NFIB: variants seen among roughly 807,000 people sequenced by gnomAD.
NFIB encodes the protein nuclear factor I B, also known as nuclear factor 1 B-type.
A neutral mutation model predicts 61.5 loss-of-function variants in NFIB; 11 were observed. The observed-to-expected ratio is 0.18, with a 90% CI of 0.11 to 0.30. The LOEUF is 0.30. Ranked by LOEUF, NFIB falls within the 10% of genes least tolerant of loss-of-function variation. The pLI is 1.00. For synonymous variants in NFIB, 260 were observed against 216.5 expected, an observed-to-expected ratio of 1.20 and a Z score of -1.76; for missense variants, 471 against 608.9, an observed-to-expected ratio of 0.77 and a Z score of 2.38.
intron 2 of NFIB, among the ~76,000 whole-genome samples, chr9:14,266,461 G>A (rs1271544211): frequency 1.3e-5 from 2 of 152,020 alleles, no homozygotes; most frequent in African/African-American, 2.4e-5. Flanking sequence ...AGGGTATTGT[G>A]TCCCATGCCT....
chr9:14,509,811 G>C, the NFIB span, among the ~76,000 whole-genome samples: 1 of 152,202 alleles, frequency 6.6e-6, no homozygotes, highest in Non-Finnish European at 1.5e-5. Flanking sequence ...TTAAAAACTA[G>C]CAGGTGTGGT....
At chr9:14,492,659 G>A in the NFIB span, among the ~76,000 whole-genome samples, 1 of 152,106 alleles carries the variant, frequency 6.6e-6, no homozygotes, top group Non-Finnish European at 1.5e-5. Context: ...CAAAGGGATG[G>A]TGTTAACCCA....
chr9:14,190,242 A>T (rs1051878936), intron 2 of NFIB, among the ~76,000 whole-genome samples: 2 of 152,140 alleles, frequency 1.3e-5, no homozygotes, highest in African/African-American at 4.8e-5. Flanking sequence ...TATGGCTCTT[A>T]AGTCTGTGAT....
At chr9:14,118,061 T>C (rs1157565079) in intron 8 of NFIB, among the ~76,000 whole-genome samples, 2 of 152,170 alleles carry the variant, frequency 1.3e-5, no homozygotes, top group East Asian at 3.9e-4. Flanking sequence ...TGGTTTTGAG[T>C]TGGAGTTAAA....
intron 1 of NFIB, among the ~76,000 whole-genome samples, chr9:14,382,382 G>C (rs925798308): frequency 6.6e-6 from 1 of 151,962 alleles, no homozygotes; most frequent in Non-Finnish European, 1.5e-5. Flanking sequence ...GAGGGAGATA[G>C]GAGTCTGTCC....
At chr9:14,413,757 G>C in the NFIB span, among the ~76,000 whole-genome samples, 1 of 152,098 alleles carries the variant, frequency 6.6e-6, no homozygotes, top group Non-Finnish European at 1.5e-5. Flanking sequence ...ATCATTCCAG[G>C]ATGCATAAAA....
At chr9:14,441,744 A>G in the NFIB span, among the ~76,000 whole-genome samples, 4 of 152,140 alleles carry the variant, frequency 2.6e-5, no homozygotes, top group Non-Finnish European at 5.9e-5. Context: ...AGAATCACCA[A>G]GTGGCCATGT....
intron 2 of NFIB, among the ~76,000 whole-genome samples, chr9:14,238,249 T>G (rs1456833992): frequency 6.6e-6 from 1 of 152,014 alleles, no homozygotes; most frequent in Non-Finnish European, 1.5e-5. Context: ...ATGGTAGTAT[T>G]GCTGCTACTG....
intron 1 of NFIB, among the ~76,000 whole-genome samples, chr9:14,341,107 G>C (rs531893819): frequency 6.6e-6 from 1 of 152,316 alleles, no homozygotes; most frequent in African/African-American, 2.4e-5. Flanking sequence ...AAGAGCCCAA[G>C]AAGAATGCAA....
chr9:14,482,464 A>G, the NFIB span, among the ~76,000 whole-genome samples: 1 of 152,068 alleles, frequency 6.6e-6, no homozygotes, highest in Non-Finnish European at 1.5e-5. Context: ...CCCCCTCACC[A>G]TGTTCTTAGG....
At chr9:14,134,651 G>A (rs1003044506) in intron 6 of NFIB, among the ~76,000 whole-genome samples, 1 of 152,114 alleles carries the variant, frequency 6.6e-6, no homozygotes, top group Non-Finnish European at 1.5e-5. Flanking sequence ...CAGCACTTTG[G>A]GAGGCCGAGG....
At chr9:14,471,529 T>C in the NFIB span, among the ~76,000 whole-genome samples, 1 of 152,254 alleles carries the variant, frequency 6.6e-6, no homozygotes, top group African/African-American at 2.4e-5. Context: ...ATAACCAAGT[T>C]AGTAGAAGAC....
At chr9:14,284,696 TATTTG>T (rs935720556) in intron 2 of NFIB, among the ~76,000 whole-genome samples, 1 of 152,250 alleles carries the variant, frequency 6.6e-6, no homozygotes, top group African/African-American at 2.4e-5. Context: ...ATAGATATTT[TATTTG>T]AAAAATATCC....
chr9:14,175,602 T>G (rs996595842), intron 3 of NFIB, among the ~76,000 whole-genome samples: 1 of 152,240 alleles, frequency 6.6e-6, no homozygotes, highest in South Asian at 2.1e-4. Context: ...GGTGGCTTAC[T>G]TGAGGTACAC....
chr9:14,226,504 T>C (rs2052438683), intron 2 of NFIB, among the ~76,000 whole-genome samples: 1 of 149,150 alleles, frequency 6.7e-6, no homozygotes, highest in South Asian at 2.1e-4. Context: ...GCCATGATCA[T>C]GCCACTGTAC....
At chr9:14,418,327 C>T in the NFIB span, among the ~76,000 whole-genome samples, 1 of 152,326 alleles carries the variant, frequency 6.6e-6, no homozygotes, top group East Asian at 1.9e-4. Context: ...AGCAACCAAA[C>T]TATATGAACA....
intron 3 of NFIB, among the ~76,000 whole-genome samples, chr9:14,173,152 A>C (rs2045758888): frequency 6.6e-6 from 1 of 152,188 alleles, no homozygotes; most frequent in Admixed American, 6.5e-5. Flanking sequence ...CCTCACTTTT[A>C]TCAAGCACCT....
Position 14,088,154 on chromosome 9 carries a change from T to TA in NFIB, c.*154dup, listed in dbSNP as rs560250549. 6.1e-4 allele frequency: 810 copies of TA among 1,331,708 alleles called. No homozygotes were observed. Among genetic ancestry groups the TA allele is most frequent in the South Asian group, 1.4e-3 (80 of 57,670 alleles). The allele number at this position is 1,331,708 out of a possible 1,614,324, so 82.5% of individuals were successfully genotyped here. A position where few individuals can be genotyped will look rare whatever the true frequency, so the allele number is the denominator to read the frequency against. On this transcript the variant is annotated 3_prime_UTR_variant, in exon 11 of 11. Transcript: ENST00000380953. ...CTTCCTCTTTTCCTTTTTTTTTATT[T>TA]AAAAAAAAAATTTCTTAAACTATTG... is the stretch of plus-strand genomic sequence containing the variant.
At chr9:14,498,950 C>T in the NFIB span, among the ~76,000 whole-genome samples, 36 of 152,004 alleles carry the variant, frequency 2.4e-4, no homozygotes, top group African/African-American at 8.4e-4. Flanking sequence ...GCCTTCAGAG[C>T]TTTACAGTTG....
Sources: allele counts gnomAD v4.1 joint callset (sites outside exome capture counted in the v4.1 genomes callset), GRCh38; gene constraint gnomAD v4.1.1; transcripts MANE v1.5; gene names NCBI Gene and HGNC (gene_info 2026-07-23, HGNC 2026-07-21).